Variants in CDH4 observed in about 807,000 individuals in gnomAD.
The protein encoded by CDH4 is cadherin 4.
CDH4 carries 33 observed loss-of-function variants against 86.0 expected under a neutral mutation model. The observed-to-expected ratio is 0.38, with a 90% confidence interval of 0.29 to 0.51. The LOEUF is 0.51. CDH4 is among the 20% of genes least tolerant of loss of function. CDH4 has a pLI of 0.86. For synonymous variants in CDH4, 555 were observed against 549.4 expected, an observed-to-expected ratio of 1.01 and a Z score of -0.14; for missense variants, 1,114 against 1,307.4, an observed-to-expected ratio of 0.85 and a Z score of 2.28.
At chr20:61,287,543 G>T (rs548666574) in intron 2 of CDH4, among the ~76,000 whole-genome samples, 2 of 152,162 alleles carry the variant, frequency 1.3e-5, no homozygotes, top group African/African-American at 4.8e-5. Flanking sequence ...TCTACAGTGG[G>T]GTAGCATTCA....
At chr20:61,542,413 T>C (rs1356477469) in intron 2 of CDH4, among the ~76,000 whole-genome samples, 1 of 152,214 alleles carries the variant, frequency 6.6e-6, no homozygotes, top group Non-Finnish European at 1.5e-5. Context: ...ATCTCTGGCA[T>C]GTTCGTTTAG....
intron 4 of CDH4, among the ~76,000 whole-genome samples, chr20:61,803,335 C>T (rs942151510): frequency 2.6e-5 from 4 of 152,194 alleles, no homozygotes; most frequent in African/African-American, 7.2e-5. Flanking sequence ...CCAATTTCCC[C>T]GGGCTGGGTT....
intron 4 of CDH4, among the ~76,000 whole-genome samples, chr20:61,822,134 C>A (rs1471665565): frequency 6.6e-6 from 1 of 151,658 alleles, no homozygotes; most frequent in Non-Finnish European, 1.5e-5. Flanking sequence ...TTTGCAGTAA[C>A]TCTGCCTTCA....
intron 2 of CDH4, chr20:61,370,181 G>C (rs1274434609): frequency 6.6e-6 from 1 of 152,448 alleles, no homozygotes; most frequent in Non-Finnish European, 1.5e-5. Context: ...CCGAGGGTGG[G>C]TGGCCCTGGG....
At chr20:61,389,396 C>T (rs917156814) in intron 2 of CDH4, among the ~76,000 whole-genome samples, 7 of 152,218 alleles carry the variant, frequency 4.6e-5, no homozygotes, top group Non-Finnish European at 7.3e-5. Context: ...TTACACATAT[C>T]GCCCCCTTGT....
chr20:61,910,735 AG>A (rs1165338131), intron 9 of CDH4, 128 bp downstream of exon 9: 13 of 860,148 alleles, frequency 1.5e-5, no homozygotes, highest in Non-Finnish European at 2.2e-5. Flanking sequence ...GGGTAGAGGC[AG>A]GTAACCCAAC....
intron 2 of CDH4, among the ~76,000 whole-genome samples, chr20:61,369,681 A>C (rs1239799676): frequency 6.6e-6 from 1 of 152,038 alleles, no homozygotes; most frequent in Non-Finnish European, 1.5e-5. Flanking sequence ...TGTCCTCTTC[A>C]TGCAACTTTC....
At chr20:61,382,769 TGA>T (rs1429505284) in intron 2 of CDH4, among the ~76,000 whole-genome samples, 1 of 152,062 alleles carries the variant, frequency 6.6e-6, no homozygotes, top group Middle Eastern at 3.2e-3. Context: ...TCTCCCTTCT[TGA>T]GAGGTCACCT....
intron 2 of CDH4, among the ~76,000 whole-genome samples, chr20:61,439,476 A>G (rs1177459710): frequency 6.6e-6 from 1 of 152,216 alleles, no homozygotes; most frequent in Non-Finnish European, 1.5e-5. Context: ...TGGCACATGT[A>G]TGTGGCTAGT....
At chr20:61,329,416 G>A (rs1291154138) in intron 2 of CDH4, among the ~76,000 whole-genome samples, 2 of 151,852 alleles carry the variant, frequency 1.3e-5, no homozygotes, top group African/African-American at 4.8e-5. Flanking sequence ...TGCAGCGTGC[G>A]TGGAGGGCAC....
intron 2 of CDH4, among the ~76,000 whole-genome samples, chr20:61,536,541 C>T (rs1002229998): frequency 9.9e-5 from 15 of 152,176 alleles, no homozygotes; most frequent in Admixed American, 9.8e-4. Context: ...GGCCCCTCAC[C>T]CCTTCCGATG....
intron 7 of CDH4, among the ~76,000 whole-genome samples, chr20:61,891,454 C>G (rs916772936): frequency 6.6e-6 from 1 of 152,242 alleles, no homozygotes; most frequent in African/African-American, 2.4e-5. Flanking sequence ...TGCAGGAGCT[C>G]TGAGTGCTGC....
chr20:61,565,821 GC>G (rs766812855), intron 2 of CDH4, among the ~76,000 whole-genome samples: 1 of 152,218 alleles, frequency 6.6e-6, no homozygotes, highest in Non-Finnish European at 1.5e-5. Flanking sequence ...CCAGGAGCCA[GC>G]CGAGGCTACA....
intron 4 of CDH4, among the ~76,000 whole-genome samples, chr20:61,823,782 C>A (rs1262070297): frequency 6.6e-6 from 1 of 152,190 alleles, no homozygotes; most frequent in Non-Finnish European, 1.5e-5. Context: ...GTGTGTAGAA[C>A]ATTTCTGTTG....
rs2087853116 is a variant in CDH4 at position 61,708,240 on chromosome 20, C to T, written c.170-35323C>T. Among the ~76,000 whole-genome samples, 1 of 152,126 alleles carries T rather than the reference C, an allele frequency of 6.6e-6. No individual in the cohort carries two copies. Among genetic ancestry groups the T allele is most frequent in the South Asian group, 2.1e-4 (1 of 4,834 alleles). ...CACACACACACAGGGCTGAGTGTAG[C>T]GTGGCCAGCAGGGGGTTGACTTTTA... On this transcript the variant is annotated intron_variant, in intron 2 of 15. Coordinates refer to ENST00000614565, the MANE Select transcript of CDH4 (RefSeq NM_001794.5). This position sits in a 1 kb window ranked among gnomAD's most constrained non-coding sequence, Gnocchi z 4.5.
chr20:61,273,284 ATTGGGGAAG>A (rs2084196115), intron 2 of CDH4, among the ~76,000 whole-genome samples: 2 of 118,810 alleles, frequency 1.7e-5, no homozygotes, highest in African/African-American at 3.3e-5. Flanking sequence ...TTGGGGGAGT[ATTGGGGAAG>A]TACCATGTGC....
chr20:61,876,496 G>A (rs890489959), intron 7 of CDH4, among the ~76,000 whole-genome samples: 6 of 152,210 alleles, frequency 3.9e-5, no homozygotes, highest in Non-Finnish European at 7.3e-5. Context: ...GGAGTTTCAC[G>A]GGATTGGGTG....
At position 61,743,671 on chromosome 20, in the gene CDH4, T is replaced by C; in HGVS notation, c.278T>C (p.Val93Ala). The C allele has an allele frequency of 6.2e-7, 1 of 1,603,916 alleles. No homozygotes were observed. Among genetic ancestry groups the C allele is most frequent in the South Asian group, 1.1e-5 (1 of 88,984 alleles). The change falls in exon 3 of 16, where the codon GTC becomes GCC. Residue 93 changes from valine (V) to alanine (A), a missense_variant. Transcript: ENST00000614565. The stretch of plus-strand genomic sequence containing the variant: ...GTCTTCGCCACCCGGGAGCTGCAGG[T>C]CCCCTCCGAGCAGGTGGCGTTCACG... The part of the protein sequence containing the change: ...GTVFATRELQ[V>A]PSEQVAFTVT...
intron 2 of CDH4, among the ~76,000 whole-genome samples, chr20:61,560,440 T>C (rs2086208223): frequency 6.6e-6 from 1 of 152,356 alleles, no homozygotes; most frequent in South Asian, 2.1e-4. Context: ...TTTGAAACTT[T>C]ATGGGTGTGT....
Sources: gnomAD v4.1 joint callset for allele counts (sites outside exome capture counted in the v4.1 genomes callset) on GRCh38, gnomAD v4.1.1 for gene constraint, Gnocchi (gnomAD v3.1) non-coding constraint, MANE v1.5 for transcripts, NCBI Gene and HGNC (gene_info 2026-07-23, HGNC 2026-07-21) for gene names.